The following FHOD3 variants were observed in gnomAD, a reference collection of about 807,000 sequenced individuals.
FHOD3 encodes the protein formin homology 2 domain containing 3, also known as FH1/FH2 domain-containing protein 3.
A neutral mutation model predicts 173.0 loss-of-function variants in FHOD3; 90 were observed. The observed-to-expected ratio is 0.52, with a 90% CI of 0.44 to 0.62. FHOD3 has a LOEUF of 0.62. Among genes scored for constraint, FHOD3 ranks in the 20% least tolerant of loss-of-function variants. The probability of loss-of-function intolerance (pLI) is 0.00; values close to 1 mark genes in which losing one functional copy is unlikely to be tolerated. For missense variants in FHOD3, 1,945 were observed against 2,034.7 expected, an observed-to-expected ratio of 0.96 and a Z score of 0.85; for synonymous variants, 828 against 823.0, an observed-to-expected ratio of 1.01 and a Z score of -0.10.
intron 1 of FHOD3, among the ~76,000 whole-genome samples, chr18:36,339,609 CCTCA>C (rs2045505603): frequency 1.3e-5 from 2 of 152,166 alleles, no homozygotes; most frequent in African/African-American, 2.4e-5. Context: ...GCTGCCCACT[CCTCA>C]CCCCGCCCAG....
chr18:36,438,778 C>G (rs1444070224), intron 3 of FHOD3, among the ~76,000 whole-genome samples: 1 of 152,222 alleles, frequency 6.6e-6, no homozygotes, highest in African/African-American at 2.4e-5. Flanking sequence ...GCTCTTCATC[C>G]TGTCTTCAGG....
At chr18:36,573,933 C>T (rs1274633304) in intron 5 of FHOD3, among the ~76,000 whole-genome samples, 6 of 152,096 alleles carry the variant, frequency 3.9e-5, no homozygotes, top group Non-Finnish European at 8.8e-5. Flanking sequence ...AAGAGGACTT[C>T]GAGGCTCTTA....
At chr18:36,566,281 G>T (rs541994375) in intron 5 of FHOD3, among the ~76,000 whole-genome samples, 107 of 152,062 alleles carry the variant, frequency 7.0e-4, no homozygotes, top group Admixed American at 8.5e-4. Flanking sequence ...TATCTCTAAT[G>T]TATCTCTAAG....
chr18:36,468,061 T>C (rs924632236), intron 3 of FHOD3, among the ~76,000 whole-genome samples: 1 of 152,156 alleles, frequency 6.6e-6, no homozygotes, highest in East Asian at 1.9e-4. Flanking sequence ...ACTTCCACTC[T>C]ATTGTGGCCT....
intron 1 of FHOD3, among the ~76,000 whole-genome samples, chr18:36,315,774 C>T (rs528843949): frequency 3.3e-5 from 5 of 152,202 alleles, no homozygotes; most frequent in African/African-American, 9.6e-5. Context: ...CCTAGTGAAC[C>T]CCAGCAGTGC....
chr18:36,325,582 T>C (rs1333444037), intron 1 of FHOD3, among the ~76,000 whole-genome samples: 1 of 152,220 alleles, frequency 6.6e-6, no homozygotes, highest in Non-Finnish European at 1.5e-5. Flanking sequence ...CTCCTTCAGA[T>C]GCACTAGAGC....
intron 9 of FHOD3, among the ~76,000 whole-genome samples, chr18:36,618,458 G>T (rs1258300939): frequency 1.3e-5 from 2 of 151,670 alleles, no homozygotes; most frequent in Non-Finnish European, 2.9e-5. Flanking sequence ...GATTACAGGT[G>T]TGCGCCACCA....
At chr18:36,516,862 T>C (rs906111414) in intron 5 of FHOD3, among the ~76,000 whole-genome samples, 3 of 152,262 alleles carry the variant, frequency 2.0e-5, no homozygotes, top group Non-Finnish European at 2.9e-5. Context: ...AGCTCTGCTC[T>C]GTGTGGCTAC....
At chr18:36,464,847 C>G (rs888636700) in intron 3 of FHOD3, among the ~76,000 whole-genome samples, 30 of 152,246 alleles carry the variant, frequency 2.0e-4, no homozygotes, top group Non-Finnish European at 3.1e-4. Flanking sequence ...TCTCTCCCCC[C>G]TCTTTCTTCC....
chr18:36,488,664 A>T lies in FHOD3; in HGVS notation c.338-13268A>T, dbSNP rs1238965230. 6.6e-5 allele frequency among the ~76,000 whole-genome samples: 10 copies of T among 152,228 alleles called. No individual in the cohort carries two copies. In the South Asian group the frequency reaches 2.1e-3, roughly 32 times the overall value. ...TTGTGCCAGGTGTGTTTCCAACATG[A>T]TCATGTTCATCATCACATGGCTTCA... On this transcript the variant is annotated intron_variant, in intron 3 of 28. Transcript: ENST00000590592.
chr18:36,559,870 C>G (rs533877852), intron 5 of FHOD3, among the ~76,000 whole-genome samples: 2 of 152,144 alleles, frequency 1.3e-5, no homozygotes, highest in African/African-American at 4.8e-5. Flanking sequence ...CTTTGTTAGC[C>G]CCCCGGTCCC....
chr18:36,389,605 ATTGTTGTTGTTT>A (rs1568208781), intron 3 of FHOD3, among the ~76,000 whole-genome samples: 1 of 151,728 alleles, frequency 6.6e-6, no homozygotes, highest in African/African-American at 2.4e-5. Flanking sequence ...CATTGTTGTT[ATTGTTGTTGTTT>A]TTTAAATATG....
intron 17 of FHOD3, among the ~76,000 whole-genome samples, chr18:36,695,774 T>C (rs531160034): frequency 6.6e-6 from 1 of 152,242 alleles, no homozygotes; most frequent in African/African-American, 2.4e-5. Context: ...GCAAAGTTGG[T>C]GTCACCAAGT....
intron 13 of FHOD3, among the ~76,000 whole-genome samples, chr18:36,653,846 C>T (rs1039364015): frequency 6.6e-6 from 1 of 152,178 alleles, no homozygotes; most frequent in Non-Finnish European, 1.5e-5. Context: ...TTTTGAGCCA[C>T]ATCCTGTATT....
At chr18:36,548,689 A>C (rs961133334) in intron 5 of FHOD3, among the ~76,000 whole-genome samples, 1 of 152,322 alleles carries the variant, frequency 6.6e-6, no homozygotes, top group Non-Finnish European at 1.5e-5. Flanking sequence ...ATCATACAGT[A>C]CATGTCCTTT....
At chr18:36,470,976 C>T (rs955516601) in intron 3 of FHOD3, among the ~76,000 whole-genome samples, 1 of 152,186 alleles carries the variant, frequency 6.6e-6, no homozygotes. Context: ...GGGTGGCCTG[C>T]TTTACTCCTC....
intron 18 of FHOD3, among the ~76,000 whole-genome samples, chr18:36,711,930 G>A (rs866313478): frequency 1.3e-5 from 2 of 152,148 alleles, no homozygotes; most frequent in South Asian, 2.1e-4. Flanking sequence ...AACCTCCCGC[G>A]TCCCTTGGAG....
chr18:36,318,347 C>T (rs1472198495), intron 1 of FHOD3, among the ~76,000 whole-genome samples: 1 of 152,158 alleles, frequency 6.6e-6, no homozygotes, highest in Non-Finnish European at 1.5e-5. Context: ...ATTGATTCTT[C>T]CTATACATGA....
At chr18:36,747,333 C>T (rs1444883838) in intron 24 of FHOD3, among the ~76,000 whole-genome samples, 198 bp downstream of exon 24, 1 of 152,098 alleles carries the variant, frequency 6.6e-6, no homozygotes, top group Non-Finnish European at 1.5e-5. Context: ...TGCCATCAAA[C>T]CTCAAAGTTG....
Sources: allele counts gnomAD v4.1 joint callset (sites outside exome capture counted in the v4.1 genomes callset), GRCh38; gene constraint gnomAD v4.1.1; transcripts MANE v1.5; gene names NCBI Gene and HGNC (gene_info 2026-07-23, HGNC 2026-07-21).